Variants in WDR70 observed in about 807,000 individuals in gnomAD.
WDR70 encodes the protein WD repeat-containing protein 70.
A neutral mutation model predicts 88.6 loss-of-function variants in WDR70; 53 were observed. That is an observed-to-expected ratio of 0.60 (90% CI 0.48 to 0.75). WDR70 has a LOEUF of 0.75. Among genes scored for constraint, WDR70 ranks in the 30% least tolerant of loss-of-function variants. The probability of loss-of-function intolerance (pLI) is 0.00; values close to 1 mark genes in which losing one functional copy is unlikely to be tolerated. For synonymous variants in WDR70, 280 were observed against 270.0 expected, an observed-to-expected ratio of 1.04 and a Z score of -0.36; for missense variants, 610 against 823.2, an observed-to-expected ratio of 0.74 and a Z score of 3.17.
At chr5:37,516,480 A>C (rs771281761) in intron 8 of WDR70, 34 bp from the exon 9 acceptor site, 1 of 1,397,984 alleles carries the variant, frequency 7.2e-7, no homozygotes, top group Non-Finnish European at 1.0e-6. Context: ...CCTTTTTAAA[A>C]CATCTTTTTT....
intron 5 of WDR70, among the ~76,000 whole-genome samples, chr5:37,411,582 CGG>C (rs1561841924): frequency 6.6e-6 from 1 of 151,996 alleles, no homozygotes; most frequent in Non-Finnish European, 1.5e-5. Context: ...AAAAATTATC[CGG>C]GTGTGTTGGC....
At chr5:37,644,239 T>G (rs1745177507) in intron 10 of WDR70, among the ~76,000 whole-genome samples, 1 of 107,982 alleles carries the variant, frequency 9.3e-6, no homozygotes, top group African/African-American at 3.6e-5. Context: ...CCAGTTGAAA[T>G]GATCATATGT....
intron 8 of WDR70, among the ~76,000 whole-genome samples, chr5:37,513,211 C>T (rs954606332): frequency 6.6e-6 from 1 of 152,044 alleles, no homozygotes; most frequent in Non-Finnish European, 1.5e-5. Context: ...TAAGGAAATG[C>T]ACAGGTACTA....
intron 10 of WDR70, among the ~76,000 whole-genome samples, chr5:37,660,939 T>A (rs1262921614): frequency 6.6e-6 from 1 of 152,186 alleles, no homozygotes; most frequent in Admixed American, 6.5e-5. Context: ...TTATGTAGCA[T>A]TTACATTGTA....
chr5:37,493,608 T>A (rs758853672), intron 8 of WDR70, among the ~76,000 whole-genome samples: 1 of 152,188 alleles, frequency 6.6e-6, no homozygotes, highest in Non-Finnish European at 1.5e-5. Flanking sequence ...GCAGAGAATC[T>A]AGCTACGTTG....
chr5:37,723,096 C>T (rs1747870937), intron 15 of WDR70, 162 bp downstream of exon 15: 1 of 713,554 alleles, frequency 1.4e-6, no homozygotes, highest in Non-Finnish European at 2.3e-6. Flanking sequence ...CAGCTAACCT[C>T]TGTGGCTTCT....
At chr5:37,508,758 G>C (rs1740634536) in intron 8 of WDR70, among the ~76,000 whole-genome samples, 2 of 152,104 alleles carry the variant, frequency 1.3e-5, no homozygotes, top group South Asian at 4.1e-4. Flanking sequence ...ATGTCATATG[G>C]TACTTGATTT....
intron 9 of WDR70, among the ~76,000 whole-genome samples, chr5:37,552,794 A>C (rs1742183833): frequency 6.6e-6 from 1 of 151,810 alleles, no homozygotes; most frequent in South Asian, 2.1e-4. Context: ...CAGAGATAAA[A>C]ACAACATGGT....
intron 13 of WDR70, among the ~76,000 whole-genome samples, chr5:37,716,648 TATTA>T (rs1747664181): frequency 6.6e-6 from 1 of 152,026 alleles, no homozygotes; most frequent in Non-Finnish European, 1.5e-5. Context: ...GGGATGAGAT[TATTA>T]ATTTTGTAGT....
intron 10 of WDR70, 138 bp downstream of exon 10, chr5:37,605,376 G>A: frequency 1.2e-6 from 1 of 828,396 alleles, no homozygotes; most frequent in Non-Finnish European, 1.7e-6. Context: ...TCAGTGTTAG[G>A]TGATCAAACG....
intron 10 of WDR70, among the ~76,000 whole-genome samples, chr5:37,605,869 T>G (rs955884697): frequency 2.0e-4 from 30 of 152,160 alleles, no homozygotes; most frequent in Admixed American, 2.0e-3. Flanking sequence ...AAGCTTCTTG[T>G]TTTATGTATA....
chr5:37,667,150 A>T (rs74951377), intron 10 of WDR70, among the ~76,000 whole-genome samples: 37 of 152,298 alleles, frequency 2.4e-4, no homozygotes, highest in African/African-American at 8.2e-4. Flanking sequence ...ATCTAAAATA[A>T]TGCAAAAAGA....
rs143258619 is a variant in WDR70 at position 37,687,005 on chromosome 5, A to G, written c.1093-10650A>G. 3.0e-3 allele frequency among the ~76,000 whole-genome samples: 452 copies of G among 151,676 alleles called. 7 individuals carry two copies. Among genetic ancestry groups the G allele is most frequent in the African/African-American group, 0.01 (416 of 41,192 alleles). ...ATAATAAGCCTATATAAGGTAGTTAATTATCAATCTCAGCTTCCTAAAGAA... is the reference window on the plus strand; with the variant it reads ...ATAATAAGCCTATATAAGGTAGTTAGTTATCAATCTCAGCTTCCTAAAGAA... On this transcript the variant is annotated intron_variant, in intron 10 of 17. Transcript: ENST00000265107.
intron 9 of WDR70, among the ~76,000 whole-genome samples, chr5:37,563,451 G>C (rs796304284): frequency 1.8e-4 from 8 of 43,442 alleles, no homozygotes; most frequent in South Asian, 1.1e-3. Flanking sequence ...CATCCTTCCC[G>C]GACGGGGCGG....
chr5:37,715,684 A>T (rs543430709), intron 13 of WDR70, among the ~76,000 whole-genome samples: 15 of 152,312 alleles, frequency 9.8e-5, no homozygotes, highest in African/African-American at 3.4e-4. Flanking sequence ...AGACAGGACA[A>T]ATAGCCTGGA....
chr5:37,676,550 A>G (rs1422238719), intron 10 of WDR70, among the ~76,000 whole-genome samples: 1 of 151,890 alleles, frequency 6.6e-6, no homozygotes, highest in Non-Finnish European at 1.5e-5. Context: ...TGATTTGCGT[A>G]TATTGAACCA....
At chr5:37,450,986 C>T (rs1377787669) in intron 7 of WDR70, among the ~76,000 whole-genome samples, 1 of 152,132 alleles carries the variant, frequency 6.6e-6, no homozygotes, top group Non-Finnish European at 1.5e-5. Flanking sequence ...GCAACCTCCA[C>T]CTCCTGGGTT....
At chr5:37,540,242 T>C (rs1741777538) in intron 9 of WDR70, among the ~76,000 whole-genome samples, 2 of 152,240 alleles carry the variant, frequency 1.3e-5, no homozygotes, top group South Asian at 2.1e-4. Flanking sequence ...GCTGAATGAT[T>C]GTAAGAATGC....
chr5:37,699,398 T>C (rs984097442), intron 11 of WDR70, among the ~76,000 whole-genome samples: 1,943 of 74,102 alleles, frequency 0.026, 19 homozygotes, highest in Middle Eastern at 0.058. Context: ...TGTGTATATA[T>C]ATATACACAC....
Sources: gnomAD v4.1 joint callset for allele counts (sites outside exome capture counted in the v4.1 genomes callset) on GRCh38, gnomAD v4.1.1 for gene constraint, MANE v1.5 for transcripts, NCBI Gene and HGNC (gene_info 2026-07-23, HGNC 2026-07-21) for gene names.